CCDC3: variants seen among roughly 807,000 people sequenced by gnomAD.
CCDC3 encodes the protein coiled-coil domain-containing protein 3.
Under a neutral mutation model 21.4 loss-of-function variants are expected in CCDC3, and 24 were observed. The observed-to-expected ratio is 1.12, with a 90% CI of 0.81 to 1.58. The LOEUF is 1.58. Among genes scored for constraint, CCDC3 ranks in the 40% most tolerant of loss-of-function variants. The pLI, the probability that CCDC3 is intolerant of heterozygous loss-of-function variation, is 0.00. For synonymous variants in CCDC3, 186 were observed against 166.0 expected, an observed-to-expected ratio of 1.12 and a Z score of -0.93; for missense variants, 425 against 360.9, an observed-to-expected ratio of 1.18 and a Z score of -1.44.
intron 5 of CCDC3, among the ~76,000 whole-genome samples, chr10:13,015,801 A>G (rs1204104935): frequency 1.3e-5 from 2 of 152,046 alleles, no homozygotes; most frequent in Non-Finnish European, 2.9e-5. Flanking sequence ...CTTCAGTAGG[A>G]GAGCCTAGGT....
intron 4 of CCDC3, among the ~76,000 whole-genome samples, chr10:13,052,829 C>A (rs1337818242): frequency 1.3e-5 from 2 of 151,964 alleles, no homozygotes; most frequent in Admixed American, 6.6e-5. Flanking sequence ...AATCCCAGCT[C>A]ATGACCTGAG....
intron 3 of CCDC3, among the ~76,000 whole-genome samples, chr10:13,082,285 C>G (rs1837050789): frequency 6.6e-6 from 1 of 152,214 alleles, no homozygotes; most frequent in Non-Finnish European, 1.5e-5. Context: ...GGTCACATGT[C>G]CACTGGACAG....
chr10:12,983,141 T>TATATATATAC (rs1235801487), intron 2 of CCDC3, among the ~76,000 whole-genome samples: 2 of 12,974 alleles, frequency 1.5e-4, no homozygotes, highest in East Asian at 5.7e-3. Context: ...TATATATATA[T>TATATATATAC]ATATATATAT....
At chr10:12,948,242 A>G (rs577899223) in intron 2 of CCDC3, among the ~76,000 whole-genome samples, 89 of 152,210 alleles carry the variant, frequency 5.8e-4, no homozygotes, top group Non-Finnish European at 1.1e-3. Context: ...GCCTTCCACC[A>G]TAATTGTGAG....
intron 2 of CCDC3, among the ~76,000 whole-genome samples, chr10:12,970,274 A>G (rs1247191675): frequency 6.6e-6 from 1 of 152,202 alleles, no homozygotes; most frequent in Non-Finnish European, 1.5e-5. Flanking sequence ...ACTACAGTCA[A>G]TAACACTATT....
intron 2 of CCDC3, among the ~76,000 whole-genome samples, chr10:12,977,189 C>T (rs1403517666): frequency 2.0e-5 from 3 of 152,132 alleles, no homozygotes; most frequent in Non-Finnish European, 2.9e-5. Flanking sequence ...GCAGGAGAAT[C>T]GCTTGAACCT....
chr10:13,054,514 G>A (rs1393617645), intron 4 of CCDC3, among the ~76,000 whole-genome samples: 2 of 152,092 alleles, frequency 1.3e-5, no homozygotes, highest in East Asian at 1.9e-4. Flanking sequence ...ATTGCATCTC[G>A]ATGATCTTTG....
At chr10:13,020,450 T>C (rs17510604) in intron 5 of CCDC3, among the ~76,000 whole-genome samples, 6,874 of 152,336 alleles carry the variant, frequency 0.045, 201 homozygotes, top group Non-Finnish European at 0.069. Flanking sequence ...TATTTCTATA[T>C]AATGTTAAAC....
chr10:13,093,732 T>C (rs906656219), intron 3 of CCDC3, among the ~76,000 whole-genome samples: 2 of 152,062 alleles, frequency 1.3e-5, no homozygotes, highest in Admixed American at 6.6e-5. Flanking sequence ...CACTCCACCA[T>C]GCACTTTTTC....
Position 13,001,202 on chromosome 10 carries a change from G to A in CCDC3, c.369C>T (p.Phe123=), listed in dbSNP as rs1835845555. 1.9e-6 allele frequency: 3 copies of A among 1,554,454 alleles called. No individual in the cohort carries two copies. Among genetic ancestry groups the A allele is most frequent in the East Asian group, 4.8e-5 (2 of 41,260 alleles). The change falls in exon 1 of 3, where the codon TTC becomes TTT. Residue 123 remains phenylalanine (F), a synonymous_variant. Transcript: ENST00000378825. ...GGCGGCGCCGCCGGGCTCACCTGAG[G>A]AAGAAGAAATAGGAGTAGTCCTGGA... ...TVVQDYSYFF[F]LRMDENYNLL...
intron 5 of CCDC3, among the ~76,000 whole-genome samples, chr10:13,010,890 G>A (rs976546312): frequency 2.0e-5 from 3 of 152,048 alleles, no homozygotes; most frequent in Non-Finnish European, 2.9e-5. Context: ...TCTATAAAAC[G>A]GTCACAAAGG....
chr10:12,964,818 G>A (rs1418603750), intron 2 of CCDC3, among the ~76,000 whole-genome samples: 1 of 152,130 alleles, frequency 6.6e-6, no homozygotes, highest in Admixed American at 6.6e-5. Flanking sequence ...CAGGCATTAG[G>A]GAGTAAAGTT....
At chr10:12,912,127 CA>C (rs780490218) in intron 2 of CCDC3, among the ~76,000 whole-genome samples, 1 of 151,236 alleles carries the variant, frequency 6.6e-6, no homozygotes, top group Non-Finnish European at 1.5e-5. Context: ...ATCTCTTCGA[CA>C]TACTGACTTT....
intron 2 of CCDC3, among the ~76,000 whole-genome samples, chr10:12,961,047 T>C (rs1184335588): frequency 6.6e-6 from 1 of 152,182 alleles, no homozygotes; most frequent in African/African-American, 2.4e-5. Flanking sequence ...GACATGCGCC[T>C]TTCCCTTCGC....
chr10:12,913,685 A>G (rs1486409548), intron 2 of CCDC3, among the ~76,000 whole-genome samples: 1 of 152,204 alleles, frequency 6.6e-6, no homozygotes, highest in Non-Finnish European at 1.5e-5. Context: ...GCTTTCAACT[A>G]TTCACCACGG....
At chr10:13,047,804 C>A (rs145764088) in intron 5 of CCDC3, among the ~76,000 whole-genome samples, 9 of 152,308 alleles carry the variant, frequency 5.9e-5, no homozygotes, top group African/African-American at 2.2e-4. Context: ...CAAAAAGCAT[C>A]TGAGACAGGT....
intron 2 of CCDC3, among the ~76,000 whole-genome samples, chr10:12,914,553 G>A (rs993383538): frequency 1.3e-5 from 2 of 151,776 alleles, no homozygotes; most frequent in African/African-American, 4.8e-5. Context: ...CAAGCGATTC[G>A]CCTGCCTCAG....
chr10:13,096,423 G>A (rs867134341), intron 3 of CCDC3, among the ~76,000 whole-genome samples: 1 of 152,052 alleles, frequency 6.6e-6, no homozygotes, highest in African/African-American at 2.4e-5. Context: ...GACCTCAAAC[G>A]ATCCTCCCAA....
At chr10:13,028,769 G>A (rs554580483) in intron 5 of CCDC3, among the ~76,000 whole-genome samples, 20 of 152,306 alleles carry the variant, frequency 1.3e-4, no homozygotes, top group South Asian at 4.1e-4. Context: ...TAGCAGGATT[G>A]TAGTGGCACA....
Sources: allele counts gnomAD v4.1 joint callset (sites outside exome capture counted in the v4.1 genomes callset), GRCh38; gene constraint gnomAD v4.1.1; transcripts MANE v1.5; gene names NCBI Gene and HGNC (gene_info 2026-07-23, HGNC 2026-07-21).